RUVBL1: variants seen among roughly 807,000 people sequenced by gnomAD.
The protein encoded by RUVBL1 is ruvB-like 1.
RUVBL1 carries 4 observed loss-of-function variants against 52.4 expected under a neutral mutation model. That is an observed-to-expected ratio of 0.08 (90% CI 0.04 to 0.17). The LOEUF (loss-of-function observed/expected upper bound fraction) is 0.17. RUVBL1 is among the 10% of genes least tolerant of loss of function. The probability of loss-of-function intolerance (pLI) is 1.00; values close to 1 mark genes in which losing one functional copy is unlikely to be tolerated. For missense variants in RUVBL1, 298 were observed against 572.8 expected (o/e 0.52, Z 4.90); for synonymous variants, 217 against 214.4 (o/e 1.01, Z -0.10).
At chr3:128,115,960 T>A (rs1943513057) in intron 2 of RUVBL1, among the ~76,000 whole-genome samples, 1 of 150,732 alleles carries the variant, frequency 6.6e-6, no homozygotes, top group Non-Finnish European at 1.5e-5. Context: ...ACCCCATCTC[T>A]ACGAAAACTA....
chr3:128,139,159 A>G (rs553220962), intron 1 of RUVBL1, among the ~76,000 whole-genome samples: 3 of 152,326 alleles, frequency 2.0e-5, no homozygotes, highest in African/African-American at 4.8e-5. Flanking sequence ...GTAATACCCC[A>G]TAAACACAGA....
In RUVBL1 at chr3:128,066,378, GA is replaced by G. The variant is rs548928035; in HGVS notation, c.940-1159del. Among the ~76,000 whole-genome samples, 528 of 145,174 alleles carry G rather than the reference GA, an allele frequency of 3.6e-3. 1 individual carries two copies. Among genetic ancestry groups the G allele is most frequent in the African/African-American group, 0.012 (481 of 39,776 alleles). The stretch of plus-strand genomic sequence containing the variant: ...GTAATGTGATAGGCTCTGTCTTTTG[GA>G]AAAAAAAAAAGTGGGGGTGGGGATC... On this transcript the variant is annotated intron_variant, in intron 9 of 9. Transcript: ENST00000464873.
chr3:128,152,733 G>C (rs796152844), intron 1 of RUVBL1, among the ~76,000 whole-genome samples: 3 of 152,266 alleles, frequency 2.0e-5, no homozygotes, highest in African/African-American at 7.2e-5. Flanking sequence ...CCTTCGCAGT[G>C]AGTGTTAAAG....
intron 1 of RUVBL1, among the ~76,000 whole-genome samples, chr3:128,121,659 G>A (rs1195077323): frequency 2.1e-5 from 3 of 145,418 alleles, no homozygotes; most frequent in South Asian, 2.3e-4. Flanking sequence ...GCAGTGAGCC[G>A]AGATCGCGCC....
At chr3:128,084,240 G>A (rs67527747) in intron 9 of RUVBL1, 33,710 of 152,372 alleles carry the variant, frequency 0.22, 3,813 homozygotes, top group South Asian at 0.27. Context: ...TTATGCAGGA[G>A]GGGCTTCACT....
At chr3:128,099,298 T>C (rs919357798) in intron 6 of RUVBL1, among the ~76,000 whole-genome samples, 1 of 152,214 alleles carries the variant, frequency 6.6e-6, no homozygotes, top group Non-Finnish European at 1.5e-5. Context: ...CTATTCCATC[T>C]GCCAGGAATG....
Position 128,081,573 on chromosome 3 carries a change from A to G in RUVBL1, c.1212-164T>C. 1.5e-6 allele frequency: 1 copy of G among 673,542 alleles called. No individual in the cohort carries two copies. The highest frequency in any genetic ancestry group is 2.7e-5 in the East Asian group (1 of 36,460). 41.7% of individuals were successfully genotyped at this position (673,542 alleles called of 1,614,324 possible). ...AGGGGAGACAAAGTTGTCACTTCTC[A>G]GAGAGCTGCAGTCATTATCCCATCA... On this transcript the variant is annotated intron_variant, in intron 10 of 10. Coordinates refer to ENST00000322623, the MANE Select transcript of RUVBL1 (RefSeq NM_003707.3). The surrounding 1 kb of genome is among the most constrained non-coding windows in gnomAD (Gnocchi z 4.8).
intron 1 of RUVBL1, among the ~76,000 whole-genome samples, chr3:128,130,885 C>T (rs186147006): frequency 3.9e-5 from 6 of 151,964 alleles, no homozygotes; most frequent in Non-Finnish European, 2.9e-5. Context: ...CTCCTGACGT[C>T]GTGATCTGCC....
At position 128,112,554 on chromosome 3, in the gene RUVBL1, CA is replaced by C. The variant is rs1463040701; in HGVS notation, c.361+333del. On this transcript the variant is annotated intron_variant, in intron 3 of 10. Coordinates refer to ENST00000322623, the MANE Select transcript of RUVBL1 (RefSeq NM_003707.3). ...GCACACAAAGATTCTGGCTTGAGTC[CA>C]AAACCTTTTCAGTGGATAGTCATCT... Among the ~76,000 whole-genome samples, 15 of 152,144 alleles carry C rather than the reference CA, an allele frequency of 9.9e-5. 1 individual carries two copies. Among genetic ancestry groups the C allele is most frequent in the Admixed American group, 9.8e-4 (15 of 15,272 alleles).
At position 128,067,871 on chromosome 3, in the gene RUVBL1, A is replaced by G. The variant is rs1423371688; in HGVS notation, c.940-2651T>C. 6 of 859,170 alleles carry G rather than the reference A, an allele frequency of 7.0e-6. No homozygotes were observed. The highest frequency in any genetic ancestry group is 4.2e-5 in the South Asian group (3 of 70,596). 53.2% of individuals were successfully genotyped at this position (859,170 alleles called of 1,614,324 possible). ...TTGCGGCAGTTTTAAAGTTCTCTGT[A>G]TGAATATTGTCAGTGCTCGAAGAGG... is the stretch of plus-strand genomic sequence containing the variant. On this transcript the variant is annotated intron_variant, in intron 9 of 9. Coordinates refer to the RUVBL1 transcript ENST00000464873. The surrounding 1 kb of genome is among the most constrained non-coding windows in gnomAD (Gnocchi z 4.1).
chr3:128,137,017 G>A (rs1190396604), intron 1 of RUVBL1, among the ~76,000 whole-genome samples: 2 of 152,108 alleles, frequency 1.3e-5, no homozygotes, highest in Non-Finnish European at 2.9e-5. Flanking sequence ...TCCAACGGCT[G>A]CAGAATACAC....
intron 1 of RUVBL1, among the ~76,000 whole-genome samples, chr3:128,145,388 G>C (rs1277304879): frequency 6.6e-6 from 1 of 152,194 alleles, no homozygotes; most frequent in East Asian, 1.9e-4. Context: ...GGGCCAGCAT[G>C]TTCCCTTTTT....
At chr3:128,093,494 GTT>G (rs75506552) in intron 8 of RUVBL1, among the ~76,000 whole-genome samples, 1 of 145,732 alleles carries the variant, frequency 6.9e-6, no homozygotes, top group African/African-American at 2.5e-5. Context: ...CATAAAGTTG[GTT>G]TTTTTTTTTG....
intron 1 of RUVBL1, among the ~76,000 whole-genome samples, chr3:128,137,128 A>G (rs1348580363): frequency 6.6e-6 from 1 of 152,214 alleles, no homozygotes; most frequent in African/African-American, 2.4e-5. Flanking sequence ...CTTTAAATAA[A>G]TAACTTACTG....
Position 128,069,623 on chromosome 3 carries a change from G to A in RUVBL1, c.940-4403C>T, listed in dbSNP as rs1222130229. On this transcript the variant is annotated intron_variant, in intron 9 of 9. Transcript: ENST00000464873. ...AGTACTTTGAGATCTTCGTTAAGGAGCAAAGCGAGGTTGGCAGCATGGGGG... is the reference window on the plus strand; with the variant it reads ...AGTACTTTGAGATCTTCGTTAAGGAACAAAGCGAGGTTGGCAGCATGGGGG... The A allele has an allele frequency of 3.1e-6, 5 of 1,614,194 alleles. No individual in the cohort carries two copies. The highest frequency in any genetic ancestry group is 4.2e-6 in the Non-Finnish European group (5 of 1,180,032).
At chr3:128,072,803 C>G (rs1942204164) in intron 9 of RUVBL1, among the ~76,000 whole-genome samples, 2 of 152,202 alleles carry the variant, frequency 1.3e-5, no homozygotes, top group Non-Finnish European at 2.9e-5. Context: ...GCCCCTCTTG[C>G]CTGAGAGCAA....
At chr3:128,150,823 CTA>C (rs1179636044) in intron 1 of RUVBL1, among the ~76,000 whole-genome samples, 2 of 73,954 alleles carry the variant, frequency 2.7e-5, no homozygotes, top group Admixed American at 2.3e-4. Context: ...ATTATATATT[CTA>C]TATATTATAT....
At chr3:128,087,446 G>GGT (rs905579427) in intron 9 of RUVBL1, among the ~76,000 whole-genome samples, 3 of 152,192 alleles carry the variant, frequency 2.0e-5, no homozygotes, top group Non-Finnish European at 4.4e-5. Flanking sequence ...TTATCAAAGG[G>GGT]GGAACAGCAG....
At chr3:128,076,122 A>C (rs952773702), downstream of RUVBL1, 4 of 152,402 alleles carry the variant, frequency 2.6e-5, no homozygotes, top group African/African-American at 7.2e-5. The surrounding 1 kb of genome is among the most constrained non-coding windows in gnomAD (Gnocchi z 6.8). Flanking sequence ...CCGATTCCCG[A>C]GTTCCGAGTG....
Sources: allele counts gnomAD v4.1 joint callset (sites outside exome capture counted in the v4.1 genomes callset), GRCh38; gene constraint gnomAD v4.1.1; non-coding constraint Gnocchi (gnomAD v3.1); transcripts MANE v1.5; gene names NCBI Gene and HGNC (gene_info 2026-07-23, HGNC 2026-07-21).